WBP2NL: variants seen among roughly 807,000 people sequenced by gnomAD.
WBP2NL encodes postacrosomal sheath WW domain-binding protein.
In WBP2NL, 27 loss-of-function variants were observed where a neutral mutation model predicts 23.3. The observed-to-expected ratio is 1.16, with a 90% confidence interval of 0.85 to 1.60. The LOEUF (loss-of-function observed/expected upper bound fraction) is 1.60, where lower values mean the gene tolerates loss of function less well. Ranked by LOEUF, WBP2NL falls within the 40% of genes most tolerant of loss-of-function variation. The pLI is 0.00. For missense variants in WBP2NL, 370 were observed against 389.5 expected (o/e 0.95, Z 0.42); for synonymous variants, 151 against 145.9 (o/e 1.03, Z -0.25).
intron 8 of WBP2NL, among the ~76,000 whole-genome samples, chr22:42,051,531 C>T (rs908259754): frequency 1.3e-5 from 2 of 152,186 alleles, no homozygotes; most frequent in Non-Finnish European, 2.9e-5. Flanking sequence ...AATAATGTAT[C>T]AGTACTATCA....
At chr22:42,019,240 G>C (rs1273879529) in intron 1 of WBP2NL, 71 bp from the exon 2 acceptor site, 2 of 1,422,736 alleles carry the variant, frequency 1.4e-6, no homozygotes, top group Non-Finnish European at 1.9e-6. Context: ...AAAAAATTGC[G>C]TTAAGAACTT....
At chr22:42,036,223 G>C (rs987195363), downstream of WBP2NL, among the ~76,000 whole-genome samples, 1 of 151,934 alleles carries the variant, frequency 6.6e-6, no homozygotes, top group Non-Finnish European at 1.5e-5. Flanking sequence ...CGCCCAGGTT[G>C]GAGTGCAGTG....
chr22:42,014,691 G>GA (rs1923147981), intron 1 of WBP2NL, among the ~76,000 whole-genome samples: 2 of 151,706 alleles, frequency 1.3e-5, no homozygotes, highest in African/African-American at 4.8e-5. Context: ...TATTCCCATT[G>GA]ACCTACTTCA....
chr22:42,027,116 G>A lies in WBP2NL; in HGVS notation c.865G>A (p.Ala289Thr). The A allele has an allele frequency of 6.2e-7, 1 of 1,614,258 alleles. No homozygotes were observed. Among genetic ancestry groups the A allele is most frequent in the Non-Finnish European group, 8.5e-7 (1 of 1,180,038 alleles). Residue 289 changes from alanine to threonine, a missense_variant, in exon 6 of 6, where the codon GCA becomes ACA. Ala to Thr is a moderately conservative substitution (Grantham distance 58). Coordinates refer to ENST00000328823, the MANE Select transcript of WBP2NL (RefSeq NM_152613.3). ...GSGARPQESTAAQAPENEASL... is the reference protein window; with the variant it reads ...GSGARPQESTTAQAPENEASL... ...AGGAGCCAGGCCTCAGGAATCTACA[G>A]CAGCCCAGGCTCCTGAAAACGAGGC...
chr22:42,047,174 C>T (rs1034297770), intron 8 of WBP2NL, among the ~76,000 whole-genome samples: 8 of 150,762 alleles, frequency 5.3e-5, no homozygotes, highest in African/African-American at 2.0e-4. Flanking sequence ...TATAAATTTG[C>T]CTCCTAGTTC....
At chr22:42,056,119 C>CT (rs781514373) in intron 8 of WBP2NL, among the ~76,000 whole-genome samples, 7 of 151,964 alleles carry the variant, frequency 4.6e-5, no homozygotes, top group African/African-American at 1.7e-4. Context: ...CCATTACTGC[C>CT]TTTTTTGTGT....
chr22:42,033,570 C>T (rs894560922), downstream of WBP2NL, among the ~76,000 whole-genome samples: 4 of 152,080 alleles, frequency 2.6e-5, no homozygotes, highest in Admixed American at 2.6e-4. Flanking sequence ...GCAAGACAAA[C>T]AGGAGCTATT....
chr22:42,003,394 T>A (rs1310333529), intron 1 of WBP2NL: 1 of 152,524 alleles, frequency 6.6e-6, no homozygotes, highest in Non-Finnish European at 1.5e-5. Context: ...TGTTTCCACT[T>A]TTTGTAAAAT....
intron 8 of WBP2NL, among the ~76,000 whole-genome samples, chr22:42,051,406 G>A (rs1423152180): frequency 1.3e-5 from 2 of 152,188 alleles, no homozygotes; most frequent in African/African-American, 2.4e-5. Context: ...AAACTATTCT[G>A]TATGATACTG....
chr22:42,016,566 T>C (rs1044515314), intron 1 of WBP2NL, among the ~76,000 whole-genome samples: 1 of 152,214 alleles, frequency 6.6e-6, no homozygotes, highest in Non-Finnish European at 1.5e-5. Context: ...AAAAAATTAC[T>C]TAAGCATTCC....
downstream of WBP2NL, chr22:42,031,805 C>T (rs1243004608): frequency 6.6e-6 from 1 of 151,914 alleles, no homozygotes; most frequent in East Asian, 1.9e-4. Flanking sequence ...AAGCGATTCT[C>T]CTGCTTCAGC....
At chr22:42,053,243 T>C (rs1028775351) in intron 8 of WBP2NL, among the ~76,000 whole-genome samples, 3 of 152,210 alleles carry the variant, frequency 2.0e-5, no homozygotes, top group African/African-American at 7.2e-5. Flanking sequence ...GTTTGAGTTG[T>C]TTATACTTTT....
At chr22:41,999,271 G>T (rs948177513) in intron 1 of WBP2NL, among the ~76,000 whole-genome samples, 1 of 152,254 alleles carries the variant, frequency 6.6e-6, no homozygotes, top group Non-Finnish European at 1.5e-5. Context: ...TTGGGTGCCT[G>T]CGACTTTGTT....
At chr22:42,007,734 CCTT>C (rs1265721835) in intron 1 of WBP2NL, among the ~76,000 whole-genome samples, 2 of 152,192 alleles carry the variant, frequency 1.3e-5, no homozygotes, top group East Asian at 1.9e-4. Context: ...GACAGGATTT[CCTT>C]CTTTTAAGGT....
chr22:42,048,153 G>A (rs1925671063), intron 8 of WBP2NL, among the ~76,000 whole-genome samples: 1 of 151,764 alleles, frequency 6.6e-6, no homozygotes, highest in Non-Finnish European at 1.5e-5. Flanking sequence ...TGGGTGCGGT[G>A]GCTCACACCT....
At chr22:42,049,066 A>G (rs1245038149) in intron 8 of WBP2NL, among the ~76,000 whole-genome samples, 3 of 152,208 alleles carry the variant, frequency 2.0e-5, no homozygotes, top group Non-Finnish European at 2.9e-5. Context: ...GACCAACACA[A>G]TACTGAAAAG....
In WBP2NL at chr22:42,003,121, G is replaced by T. The variant is rs374868205; in HGVS notation, c.62+4241G>T. 346 of 151,664 alleles carry T rather than the reference G, an allele frequency of 2.3e-3. 1 individual carries two copies. Among genetic ancestry groups the T allele is most frequent in the African/African-American group, 8.3e-3 (338 of 40,850 alleles). 9.4% of individuals were successfully genotyped at this position (151,664 alleles called of 1,614,324 possible). On this transcript the variant is annotated intron_variant, in intron 1 of 5. Transcript: ENST00000328823. ...TACAGTGAACAGAGATCACGCCATT[G>T]CACTCCAGCCTGGGCAACAAGAGTG...
chr22:42,039,915 T>G (rs1925336713), intron 8 of WBP2NL, among the ~76,000 whole-genome samples: 1 of 151,022 alleles, frequency 6.6e-6, no homozygotes, highest in African/African-American at 2.5e-5. Flanking sequence ...TAGGTTTTTT[T>G]TTTTTTTTTC....
At chr22:42,034,079 C>G (rs1163652596), downstream of WBP2NL, among the ~76,000 whole-genome samples, 1 of 152,216 alleles carries the variant, frequency 6.6e-6, no homozygotes, top group East Asian at 1.9e-4. Context: ...CAGTTTCCTT[C>G]TATGCTCATT....
Sources: allele counts gnomAD v4.1 joint callset (sites outside exome capture counted in the v4.1 genomes callset), GRCh38; gene constraint gnomAD v4.1.1; transcripts MANE v1.5; gene names NCBI Gene and HGNC (gene_info 2026-07-23, HGNC 2026-07-21).